EEFSEC: variants seen among roughly 807,000 people sequenced by gnomAD.
The protein encoded by EEFSEC is selenocysteine-specific elongation factor.
Under a neutral mutation model 42.1 loss-of-function variants are expected in EEFSEC, and 43 were observed. The observed-to-expected ratio is 1.02, with a 90% CI of 0.80 to 1.32. The LOEUF (loss-of-function observed/expected upper bound fraction) is 1.32, where lower values mean the gene tolerates loss of function less well. Ranked by LOEUF, EEFSEC falls within the 40% of genes most tolerant of loss-of-function variation. The probability of loss-of-function intolerance (pLI) is 0.00; values close to 1 mark genes in which losing one functional copy is unlikely to be tolerated. For missense variants in EEFSEC, 745 were observed against 803.6 expected, an observed-to-expected ratio of 0.93 and a Z score of 0.88; for synonymous variants, 354 against 339.1, an observed-to-expected ratio of 1.04 and a Z score of -0.48.
chr3:128,286,479 T>C (rs1278601399), intron 4 of EEFSEC, among the ~76,000 whole-genome samples: 2 of 152,284 alleles, frequency 1.3e-5, no homozygotes, highest in Non-Finnish European at 2.9e-5. Flanking sequence ...AGACTTTGGA[T>C]ATGTATTTTA....
chr3:128,224,207 TCTC>T (rs1401344729), intron 1 of EEFSEC, among the ~76,000 whole-genome samples: 1 of 152,236 alleles, frequency 6.6e-6, no homozygotes, highest in Non-Finnish European at 1.5e-5. Context: ...CTGTGACACC[TCTC>T]CTCCTGTTTT....
In EEFSEC at chr3:128,350,596, G is replaced by C. The variant is rs73201467; in HGVS notation, c.1444-7621G>C. ...TTCTTCTGACTTCCAGTATCAGGCT[G>C]TGATAGCTAAGTGTCTTGCTTGGCT... On this transcript the variant is annotated intron_variant, in intron 5 of 6. Coordinates refer to ENST00000254730, the MANE Select transcript of EEFSEC (RefSeq NM_021937.5). Among the ~76,000 whole-genome samples, 516 of 152,362 alleles carry C rather than the reference G, an allele frequency of 3.4e-3. 2 individuals are homozygous for C. The highest frequency in any genetic ancestry group is 5.4e-3 in the Admixed American group (82 of 15,312).
At chr3:128,420,869 G>A in the EEFSEC span, among the ~76,000 whole-genome samples, 1 of 152,126 alleles carries the variant, frequency 6.6e-6, no homozygotes, top group Non-Finnish European at 1.5e-5. Flanking sequence ...TCCTCTGGGG[G>A]TACCTCAGGC....
chr3:128,202,552 T>G (rs949527330), intron 1 of EEFSEC, among the ~76,000 whole-genome samples: 1 of 152,228 alleles, frequency 6.6e-6, no homozygotes, highest in Non-Finnish European at 1.5e-5. Context: ...ATAGACTCCT[T>G]AGGATTTCCT....
At chr3:128,338,059 A>G (rs2067209593) in intron 4 of EEFSEC, among the ~76,000 whole-genome samples, 1 of 152,258 alleles carries the variant, frequency 6.6e-6, no homozygotes, top group Admixed American at 6.5e-5. Flanking sequence ...CACAAGGTGC[A>G]GCAGATGGCA....
At chr3:128,271,660 C>T (rs1223723263) in intron 4 of EEFSEC, among the ~76,000 whole-genome samples, 1 of 152,174 alleles carries the variant, frequency 6.6e-6, no homozygotes, top group South Asian at 2.1e-4. Flanking sequence ...TTGTCGCCCT[C>T]AGGAGGGACC....
chr3:128,244,838 G>T (rs1298560634), intron 1 of EEFSEC, among the ~76,000 whole-genome samples: 1 of 152,158 alleles, frequency 6.6e-6, no homozygotes, highest in Non-Finnish European at 1.5e-5. Flanking sequence ...TCTGCACATT[G>T]TGCCTTGCCC....
intron 4 of EEFSEC, among the ~76,000 whole-genome samples, chr3:128,316,437 C>T (rs1364476984): frequency 1.3e-5 from 2 of 152,234 alleles, no homozygotes; most frequent in Non-Finnish European, 2.9e-5. Flanking sequence ...CGCTCTCCCC[C>T]TCTCTTCACT....
intron 4 of EEFSEC, among the ~76,000 whole-genome samples, chr3:128,275,428 A>C (rs535993054): frequency 6.6e-6 from 1 of 152,344 alleles, no homozygotes; most frequent in South Asian, 2.1e-4. Flanking sequence ...TTGCACACCC[A>C]TGAAGCCAGC....
In EEFSEC at chr3:128,380,624, C is replaced by G. The variant is rs561585115; in HGVS notation, c.1600+22251C>G. Among the ~76,000 whole-genome samples, 4 of 152,320 alleles carry G rather than the reference C, an allele frequency of 2.6e-5. No individual in the cohort carries two copies. In the East Asian group the frequency reaches 7.7e-4, roughly 29 times the overall value. On this transcript the variant is annotated intron_variant, in intron 6 of 6. Coordinates refer to ENST00000254730, the MANE Select transcript of EEFSEC (RefSeq NM_021937.5). ...TACGTTTTACATACTTGGTTTCACA[C>G]TGACCCAGGTGTTATTAGAACACTG...
At chr3:128,220,066 G>A (rs910965735) in intron 1 of EEFSEC, among the ~76,000 whole-genome samples, 1 of 152,160 alleles carries the variant, frequency 6.6e-6, no homozygotes, top group African/African-American at 2.4e-5. Flanking sequence ...ACTCCATGTG[G>A]TAGCACTACA....
At chr3:128,299,621 G>C (rs895533181) in intron 4 of EEFSEC, among the ~76,000 whole-genome samples, 1 of 152,106 alleles carries the variant, frequency 6.6e-6, no homozygotes, top group Non-Finnish European at 1.5e-5. Context: ...CCTGACACAT[G>C]GGGAAGGCCT....
intron 1 of EEFSEC, among the ~76,000 whole-genome samples, chr3:128,194,538 A>G (rs1457552427): frequency 6.6e-6 from 1 of 152,198 alleles, no homozygotes; most frequent in Non-Finnish European, 1.5e-5. Context: ...CTGCTTTGTG[A>G]TTTCATAATT....
intron 1 of EEFSEC, among the ~76,000 whole-genome samples, chr3:128,158,141 G>A (rs1196297832): frequency 6.6e-6 from 1 of 152,224 alleles, no homozygotes. Flanking sequence ...GTTAGAATGA[G>A]AAGTGGTGCC....
intron 4 of EEFSEC, among the ~76,000 whole-genome samples, chr3:128,277,895 G>A (rs1188819991): frequency 6.6e-6 from 1 of 152,212 alleles, no homozygotes; most frequent in Admixed American, 6.5e-5. Context: ...GATGAGCAAG[G>A]TGTGGGTAGA....
intron 4 of EEFSEC, among the ~76,000 whole-genome samples, chr3:128,315,642 A>G (rs2066936989): frequency 1.3e-5 from 2 of 152,222 alleles, no homozygotes; most frequent in African/African-American, 4.8e-5. Flanking sequence ...GTTATTTGTC[A>G]GAAGCCATCC....
chr3:128,315,596 G>T (rs1025647803), intron 4 of EEFSEC, among the ~76,000 whole-genome samples: 2 of 152,200 alleles, frequency 1.3e-5, no homozygotes, highest in Non-Finnish European at 2.9e-5. Flanking sequence ...GGGAGGGAGG[G>T]AGTCTACCAT....
intron 6 of EEFSEC, chr3:128,367,571 A>G (rs1221798929): frequency 1.8e-5 from 17 of 934,554 alleles, no homozygotes; most frequent in Admixed American, 1.2e-4. Context: ...CAAGAGCCAC[A>G]TCCTGTTTCC....
At chr3:128,264,214 G>A (rs1288697043) in intron 3 of EEFSEC, among the ~76,000 whole-genome samples, 13 of 152,168 alleles carry the variant, frequency 8.5e-5, no homozygotes, top group Non-Finnish European at 8.8e-5. Context: ...GCTAGATGAT[G>A]AGGAGTTTTA....
Sources: gnomAD v4.1 joint callset for allele counts (sites outside exome capture counted in the v4.1 genomes callset) on GRCh38, gnomAD v4.1.1 for gene constraint, MANE v1.5 for transcripts, NCBI Gene and HGNC (gene_info 2026-07-23, HGNC 2026-07-21) for gene names.